ICA1L: variants seen among roughly 807,000 people sequenced by gnomAD.
The protein encoded by ICA1L is islet cell autoantigen 1 like.
In ICA1L, 50 loss-of-function variants were observed where a neutral mutation model predicts 61.3. That is an observed-to-expected ratio of 0.82 (90% CI 0.65 to 1.03). The LOEUF (loss-of-function observed/expected upper bound fraction) is 1.03. ICA1L is among the 50% of genes least tolerant of loss of function. ICA1L has a pLI of 0.00. For synonymous variants in ICA1L, 161 were observed against 191.3 expected, an observed-to-expected ratio of 0.84 and a Z score of 1.31; for missense variants, 508 against 556.7, an observed-to-expected ratio of 0.91 and a Z score of 0.88.
chr2:202,836,007 A>C (rs1390996870), intron 1 of ICA1L, among the ~76,000 whole-genome samples: 1 of 152,062 alleles, frequency 6.6e-6, no homozygotes, highest in Non-Finnish European at 1.5e-5. Flanking sequence ...AAAGCCTTTT[A>C]TTTCTTTCTC....
At chr2:202,782,174 C>T (rs62194159) in intron 12 of ICA1L, among the ~76,000 whole-genome samples, 55,972 of 151,658 alleles carry the variant, frequency 0.37, 11,589 homozygotes, top group Middle Eastern at 0.6. Flanking sequence ...GGTGAAAACC[C>T]GTCCCTACCA....
chr2:202,857,121 GA>G, intron 1 of ICA1L, among the ~76,000 whole-genome samples: 1 of 152,116 alleles, frequency 6.6e-6, no homozygotes, highest in Non-Finnish European at 1.5e-5. Context: ...CACAGAATTA[GA>G]AAAAACTACT....
At chr2:202,852,085 C>T (rs1283311852) in intron 1 of ICA1L, among the ~76,000 whole-genome samples, 2 of 152,124 alleles carry the variant, frequency 1.3e-5, no homozygotes, top group Non-Finnish European at 1.5e-5. Context: ...CTTGCCGCTG[C>T]CTATGTCCTG....
chr2:202,867,694 T>C (rs189113240), intron 1 of ICA1L, among the ~76,000 whole-genome samples: 149 of 152,294 alleles, frequency 9.8e-4, no homozygotes, highest in Middle Eastern at 3.4e-3. Flanking sequence ...ACACCCCCAT[T>C]TGATCTTGCT....
At chr2:202,780,741 G>C (rs1288572068) in intron 12 of ICA1L, among the ~76,000 whole-genome samples, 1 of 152,130 alleles carries the variant, frequency 6.6e-6, no homozygotes, top group African/African-American at 2.4e-5. Flanking sequence ...AGAGTGAAAG[G>C]CTTCACTCTG....
At chr2:202,829,079 T>G (rs1429239641) in intron 1 of ICA1L, 63 bp from the exon 2 acceptor site, 1 of 1,383,434 alleles carries the variant, frequency 7.2e-7, no homozygotes. Flanking sequence ...CTGGGCACGG[T>G]GGCTCACGCC....
intron 1 of ICA1L, among the ~76,000 whole-genome samples, chr2:202,864,411 T>A (rs185391617): frequency 6.6e-6 from 1 of 151,960 alleles, no homozygotes; most frequent in African/African-American, 2.4e-5. Flanking sequence ...GCCTGGCTAA[T>A]TTTTTTGTAT....
At chr2:202,851,324 CTATAAA>C (rs1327112714) in intron 1 of ICA1L, among the ~76,000 whole-genome samples, 2 of 152,140 alleles carry the variant, frequency 1.3e-5, no homozygotes, top group African/African-American at 2.4e-5. Flanking sequence ...ATCCATGTCC[CTATAAA>C]GGACATGAAC....
intron 1 of ICA1L, among the ~76,000 whole-genome samples, chr2:202,836,956 C>T (rs1419761012): frequency 6.6e-6 from 1 of 151,974 alleles, no homozygotes; most frequent in Non-Finnish European, 1.5e-5. Context: ...ATTCTCCTGC[C>T]TCAGCCTCCC....
chr2:202,786,059 A>G (rs765454820), intron 11 of ICA1L, 52 bp from the exon 12 acceptor site: 1 of 1,028,938 alleles, frequency 9.7e-7, no homozygotes, highest in Non-Finnish European at 1.5e-6. Flanking sequence ...AGGAAGCAGC[A>G]TCAGAAAAAC....
intron 3 of ICA1L, among the ~76,000 whole-genome samples, chr2:202,824,734 T>G (rs1437433703): frequency 6.6e-6 from 1 of 152,078 alleles, no homozygotes; most frequent in Admixed American, 6.6e-5. Context: ...GAGGTAGCCA[T>G]GTCCAGCAGG....
rs757922597 is a variant in ICA1L, at chr2:202,819,895, C to G, written c.364G>C (p.Ala122Pro). The change falls in exon 5 of 13, where the codon GCC (alanine) becomes CCC (proline). Residue 122 changes from alanine (A) to proline (P), a missense_variant. Physicochemically the swap from Ala to Pro is conservative, Grantham distance 27. Transcript: ENST00000358299. ...ALCSSAKQRLALCTPLSRLKQ... is the reference protein window; with the variant it reads ...ALCSSAKQRLPLCTPLSRLKQ... ...AGACGAGACAGAGGAGTACACAGGG[C>G]CAATCTAATGGCAGAGAGGTAAAAA... The G allele has an allele frequency of 6.2e-7, 1 of 1,612,942 alleles. No individual in the cohort carries two copies.
At chr2:202,825,102 A>G (rs928015056) in intron 3 of ICA1L, among the ~76,000 whole-genome samples, 1 of 152,180 alleles carries the variant, frequency 6.6e-6, no homozygotes, top group Non-Finnish European at 1.5e-5. Flanking sequence ...GCAGCAGAGG[A>G]ATGGAATTTA....
chr2:202,806,477 C>G (rs1693228978), intron 9 of ICA1L, among the ~76,000 whole-genome samples: 1 of 151,690 alleles, frequency 6.6e-6, no homozygotes, highest in Admixed American at 6.6e-5. Context: ...GAAACCCAGT[C>G]TCCAAAAAAA....
At position 202,785,962 on chromosome 2, in the gene ICA1L, T is replaced by C. The variant is rs758498455; in HGVS notation, c.1289A>G (p.Asp430Gly). 6.2e-7 allele frequency: 1 copy of C among 1,610,392 alleles called. No homozygotes were observed. Among genetic ancestry groups the C allele is most frequent in the East Asian group, 2.2e-5 (1 of 44,800 alleles). Residue 430 changes from aspartate to glycine, a missense_variant, in exon 12 of 13, where the codon GAT (aspartate) becomes GGT (glycine). By Grantham distance (94) the Asp-to-Gly change is moderately conservative. Transcript: ENST00000358299. ...EESELCLSHT[D>G]NQPVPSQSPK... is the part of the protein sequence containing the mutation. ...ACTCTGTGAAGGCACTGGCTGGTTA[T>C]CAGTGTGTGAAAGACAAAGTTCTGA...
chr2:202,862,527 T>G (rs1230065273), intron 1 of ICA1L, among the ~76,000 whole-genome samples: 1 of 152,036 alleles, frequency 6.6e-6, no homozygotes, highest in Non-Finnish European at 1.5e-5. Context: ...TCCCAAATAT[T>G]TGGAAATAAC....
rs182113929 is a variant in ICA1L, at chr2:202,865,874, C to T, written c.-8+5745G>A. Among the ~76,000 whole-genome samples, 6 of 152,236 alleles carry T rather than the reference C, an allele frequency of 3.9e-5. No individual in the cohort carries two copies. The East Asian group carries it at 9.6e-4, about 24-fold the overall frequency. Reference sequence around the variant, plus strand: ...ACTCCTGGCCTCAAGTGATTCCCCTCGCCTAGACTTCCAAAGTGCTAGGAT... The same window carrying T: ...ACTCCTGGCCTCAAGTGATTCCCCTTGCCTAGACTTCCAAAGTGCTAGGAT... On this transcript the variant is annotated intron_variant, in intron 1 of 12. Transcript: ENST00000358299.
chr2:202,816,339 C>T (rs1327481769), intron 6 of ICA1L, among the ~76,000 whole-genome samples: 1 of 152,052 alleles, frequency 6.6e-6, no homozygotes, highest in Non-Finnish European at 1.5e-5. Context: ...GTTAAAAGCA[C>T]AAAAATACCA....
intron 9 of ICA1L, among the ~76,000 whole-genome samples, chr2:202,810,517 G>A (rs769979340): frequency 8.5e-5 from 13 of 152,164 alleles, no homozygotes; most frequent in Admixed American, 6.5e-5. Flanking sequence ...TGAGGAGGAT[G>A]TATGTCGCCT....
Sources: gnomAD v4.1 joint callset for allele counts (sites outside exome capture counted in the v4.1 genomes callset) on GRCh38, gnomAD v4.1.1 for gene constraint, MANE v1.5 for transcripts, NCBI Gene and HGNC (gene_info 2026-07-23, HGNC 2026-07-21) for gene names.